GLRA3: variants seen among roughly 807,000 people sequenced by gnomAD.
GLRA3 encodes glycine receptor alpha 3.
A neutral mutation model predicts 60.4 loss-of-function variants in GLRA3; 44 were observed. The observed-to-expected ratio is 0.73, with a 90% CI of 0.57 to 0.94. The LOEUF (loss-of-function observed/expected upper bound fraction) is 0.94, where lower values mean the gene tolerates loss of function less well. Among genes scored for constraint, GLRA3 ranks in the 40% least tolerant of loss-of-function variants. The pLI, the probability that GLRA3 is intolerant of heterozygous loss-of-function variation, is 0.00. For missense variants in GLRA3, 508 were observed against 564.6 expected, an observed-to-expected ratio of 0.90 and a Z score of 1.02; for synonymous variants, 223 against 192.9, an observed-to-expected ratio of 1.16 and a Z score of -1.29.
chr4:174,721,857 A>G (rs1023960302), intron 4 of GLRA3, among the ~76,000 whole-genome samples: 4 of 97,732 alleles, frequency 4.1e-5, no homozygotes. Context: ...GTGTATACAT[A>G]TGTGTGTGTA....
intron 1 of GLRA3, among the ~76,000 whole-genome samples, chr4:174,820,367 T>C (rs1740695647): frequency 6.6e-6 from 1 of 152,162 alleles, no homozygotes; most frequent in South Asian, 2.1e-4. Flanking sequence ...TAATGTGCTT[T>C]AGAAAAGAAG....
intron 5 of GLRA3, 40 bp from the exon 6 acceptor site, chr4:174,682,979 G>A: frequency 6.5e-7 from 1 of 1,528,400 alleles, no homozygotes; most frequent in Non-Finnish European, 9.0e-7. Flanking sequence ...GTCTAAAAAG[G>A]GCATTCAAAG....
chr4:174,767,810 T>A (rs1208454180), intron 2 of GLRA3, among the ~76,000 whole-genome samples: 1 of 152,060 alleles, frequency 6.6e-6, no homozygotes, highest in African/African-American at 2.4e-5. Flanking sequence ...TCTGAGGACT[T>A]CCCTGGACAG....
At chr4:174,807,751 G>T (rs1226723250) in intron 1 of GLRA3, among the ~76,000 whole-genome samples, 1 of 151,938 alleles carries the variant, frequency 6.6e-6, no homozygotes, top group Non-Finnish European at 1.5e-5. Context: ...GAAAATTCTG[G>T]GTGAGCATTA....
At chr4:174,790,940 C>T (rs1490548811) in intron 1 of GLRA3, among the ~76,000 whole-genome samples, 1 of 147,030 alleles carries the variant, frequency 6.8e-6, no homozygotes, top group Non-Finnish European at 1.5e-5. Flanking sequence ...GGAGGTGGGG[C>T]TTGCAGTGAG....
At chr4:174,718,215 GT>G (rs1735997314) in intron 4 of GLRA3, among the ~76,000 whole-genome samples, 1 of 152,122 alleles carries the variant, frequency 6.6e-6, no homozygotes, top group African/African-American at 2.4e-5. Context: ...AACTTGGTGG[GT>G]TTGATACTGA....
intron 8 of GLRA3, among the ~76,000 whole-genome samples, chr4:174,658,195 C>A (rs1225583823): frequency 6.6e-6 from 1 of 152,038 alleles, no homozygotes; most frequent in Non-Finnish European, 1.5e-5. Context: ...GGATCCTTGC[C>A]ACAATTACAC....
chr4:174,731,349 G>C (rs763912873), intron 3 of GLRA3, among the ~76,000 whole-genome samples: 1 of 152,028 alleles, frequency 6.6e-6, no homozygotes, highest in Admixed American at 6.6e-5. Context: ...GCAAGTAAAC[G>C]GACAGTCAAA....
intron 3 of GLRA3, among the ~76,000 whole-genome samples, chr4:174,756,423 C>A (rs535988167): frequency 1.3e-5 from 2 of 151,804 alleles, no homozygotes; most frequent in Non-Finnish European, 2.9e-5. Flanking sequence ...GAGATTTATA[C>A]AAGGAACGCA....
intron 5 of GLRA3, among the ~76,000 whole-genome samples, chr4:174,709,758 G>A (rs1220554247): frequency 6.6e-6 from 1 of 151,906 alleles, no homozygotes; most frequent in African/African-American, 2.4e-5. Context: ...CATATAAACG[G>A]GGCCACATTT....
At chr4:174,697,275 A>T (rs2111034468) in intron 5 of GLRA3, among the ~76,000 whole-genome samples, 1 of 152,316 alleles carries the variant, frequency 6.6e-6, no homozygotes, top group Middle Eastern at 3.4e-3. Flanking sequence ...CTCAAAAGTT[A>T]GGCAGGGTTA....
chr4:174,805,932 C>T (rs991280358), intron 1 of GLRA3, among the ~76,000 whole-genome samples: 3 of 151,966 alleles, frequency 2.0e-5, no homozygotes, highest in South Asian at 4.2e-4. Flanking sequence ...ATAAAAACAC[C>T]CTTGATTTGA....
At chr4:174,696,589 G>T (rs1463038185) in intron 5 of GLRA3, among the ~76,000 whole-genome samples, 1 of 151,322 alleles carries the variant, frequency 6.6e-6, no homozygotes, top group Non-Finnish European at 1.5e-5. Context: ...AGGAAGAAAA[G>T]CTCAAACTAA....
At chr4:174,768,529 C>A (rs961903150) in intron 2 of GLRA3, among the ~76,000 whole-genome samples, 1 of 152,072 alleles carries the variant, frequency 6.6e-6, no homozygotes, top group Admixed American at 6.6e-5. Context: ...ATATCCAAAG[C>A]CTTTGCACAC....
intron 3 of GLRA3, among the ~76,000 whole-genome samples, chr4:174,753,126 G>A (rs907763451): frequency 3.3e-5 from 5 of 152,226 alleles, no homozygotes; most frequent in African/African-American, 7.2e-5. Flanking sequence ...GACTTCCTAA[G>A]TAACAAGGAA....
At chr4:174,732,135 T>C (rs1426388263) in intron 3 of GLRA3, among the ~76,000 whole-genome samples, 1 of 152,152 alleles carries the variant, frequency 6.6e-6, no homozygotes, top group Non-Finnish European at 1.5e-5. Context: ...GGTGGGCGGA[T>C]CACGAGGTCA....
intron 5 of GLRA3, among the ~76,000 whole-genome samples, chr4:174,692,536 TTGCCGTGTC>T (rs1322585849): frequency 3.3e-5 from 5 of 149,784 alleles, no homozygotes; most frequent in African/African-American, 1.2e-4. Context: ...AATCGGATGG[TTGCCGTGTC>T]TGTGTAGAAA....
At chr4:174,688,293 C>A (rs1000254147) in intron 5 of GLRA3, among the ~76,000 whole-genome samples, 2 of 114,668 alleles carry the variant, frequency 1.7e-5, no homozygotes, top group African/African-American at 6.6e-5. Flanking sequence ...TTATTTTTTC[C>A]ATAGTACTTA....
In GLRA3 at chr4:174,771,156, A is replaced by G. The variant is rs556259255; in HGVS notation, c.200-4126T>C. ...TAAATGACGAGTTAATGGGTGCAGC[A>G]CACCAACATGGCACATGTATACATA... On this transcript the variant is annotated intron_variant, in intron 2 of 9. Transcript: ENST00000274093. Among the ~76,000 whole-genome samples the G allele has an allele frequency of 8.6e-5, 13 of 151,982 alleles. No homozygotes were observed. The East Asian group carries it at 1.4e-3, about 16-fold the overall frequency.
Sources: gnomAD v4.1 joint callset for allele counts (sites outside exome capture counted in the v4.1 genomes callset) on GRCh38, gnomAD v4.1.1 for gene constraint, MANE v1.5 for transcripts, NCBI Gene and HGNC (gene_info 2026-07-23, HGNC 2026-07-21) for gene names.